IL1RAPL2: variants seen among roughly 807,000 people sequenced by gnomAD.
IL1RAPL2 encodes interleukin 1 receptor accessory protein like 2.
IL1RAPL2 carries 3 observed loss-of-function variants against 44.1 expected under a neutral mutation model. That is an observed-to-expected ratio of 0.07 (90% CI 0.03 to 0.18). The LOEUF (loss-of-function observed/expected upper bound fraction) is 0.18, where lower values mean the gene tolerates loss of function less well. Among genes scored for constraint, IL1RAPL2 ranks in the 10% least tolerant of loss-of-function variants. The pLI, the probability that IL1RAPL2 is intolerant of heterozygous loss-of-function variation, is 1.00. For synonymous variants in IL1RAPL2, 181 were observed against 178.8 expected (o/e 1.01, Z -0.10); for missense variants, 391 against 496.4 (o/e 0.79, Z 2.02).
intron 1 of IL1RAPL2, among the ~76,000 whole-genome samples, chrX:104,633,307 T>C (rs1053164330): frequency 1.8e-5 from 2 of 111,586 alleles, no homozygotes; most frequent in African/African-American, 3.3e-5. Flanking sequence ...ATTCTCTTTT[T>C]TTGTTGTCTC....
chrX:104,901,537 G>A (rs1212965940), intron 2 of IL1RAPL2, among the ~76,000 whole-genome samples: 1 of 110,504 alleles, frequency 9.0e-6, no homozygotes. Context: ...ACCAGGTCAT[G>A]TATTTTAAGA....
intron 2 of IL1RAPL2, among the ~76,000 whole-genome samples, chrX:104,797,847 A>G (rs1412603259): frequency 3.6e-5 from 4 of 112,489 alleles, no homozygotes; most frequent in African/African-American, 1.3e-4. Context: ...GTGATTCAAC[A>G]ACATCTTCAT....
At chrX:105,574,177 G>A (rs1397739264) in intron 6 of IL1RAPL2, among the ~76,000 whole-genome samples, 1 of 111,974 alleles carries the variant, frequency 8.9e-6, no homozygotes, top group East Asian at 2.8e-4. Context: ...GAGTTCACTC[G>A]TGACCTTAGT....
chrX:104,949,677 G>C (rs190302579), intron 2 of IL1RAPL2, among the ~76,000 whole-genome samples: 1,890 of 109,350 alleles, frequency 0.017, 48 homozygotes, highest in African/African-American at 0.058. Context: ...TCGTTATGTA[G>C]CCAGTAGTCA....
At chrX:105,245,590 CAAT>C (rs1195683643) in intron 4 of IL1RAPL2, among the ~76,000 whole-genome samples, 6 of 112,407 alleles carry the variant, frequency 5.3e-5, no homozygotes, top group African/African-American at 1.9e-4. Context: ...GCAGAATATT[CAAT>C]AATGTTAGTG....
chrX:104,653,450 G>T (rs1448889126), intron 1 of IL1RAPL2, among the ~76,000 whole-genome samples: 1 of 111,455 alleles, frequency 9.0e-6, no homozygotes, highest in African/African-American at 3.3e-5. Context: ...CTCCAGTGGT[G>T]CAGGGAAAGT....
chrX:105,241,383 A>T (rs1377741658), intron 4 of IL1RAPL2, among the ~76,000 whole-genome samples: 1 of 111,898 alleles, frequency 8.9e-6, no homozygotes, highest in East Asian at 2.8e-4. Flanking sequence ...TTTCCAAACA[A>T]TCTGTCTCTT....
intron 2 of IL1RAPL2, among the ~76,000 whole-genome samples, chrX:104,932,221 A>G (rs1602831072): frequency 9.2e-6 from 1 of 109,005 alleles, no homozygotes; most frequent in Non-Finnish European, 1.9e-5. Context: ...CTGGTCTCGA[A>G]CTGCTGACCT....
chrX:105,604,505 T>G (rs2037278604), intron 6 of IL1RAPL2, among the ~76,000 whole-genome samples: 1 of 108,779 alleles, frequency 9.2e-6, no homozygotes, highest in South Asian at 3.9e-4. Flanking sequence ...AATCAGTGAT[T>G]AAAAAGAAGT....
At chrX:105,269,674 G>A (rs1251023554) in intron 5 of IL1RAPL2, among the ~76,000 whole-genome samples, 1 of 111,630 alleles carries the variant, frequency 9.0e-6, no homozygotes, top group Non-Finnish European at 1.9e-5. Flanking sequence ...ATCATGGGCA[G>A]TTGTACATTA....
At chrX:104,765,521 T>C (rs914662259) in intron 2 of IL1RAPL2, among the ~76,000 whole-genome samples, 1 of 112,069 alleles carries the variant, frequency 8.9e-6, no homozygotes, top group Non-Finnish European at 1.9e-5. Flanking sequence ...TGCTGCCTCC[T>C]ACTCTCCTTT....
intron 2 of IL1RAPL2, among the ~76,000 whole-genome samples, chrX:104,682,941 C>T (rs191208334): frequency 4.2e-3 from 468 of 111,396 alleles, no homozygotes; most frequent in African/African-American, 0.014. Context: ...GAACCAAATT[C>T]GAATGTGACT....
At chrX:105,087,222 G>A (rs1287935084) in intron 2 of IL1RAPL2, among the ~76,000 whole-genome samples, 3 of 111,326 alleles carry the variant, frequency 2.7e-5, no homozygotes, top group South Asian at 3.8e-4. Context: ...TGTGACATTA[G>A]GCAAGTCACC....
chrX:104,612,182 T>A (rs1259370330), intron 1 of IL1RAPL2, among the ~76,000 whole-genome samples: 3 of 112,288 alleles, frequency 2.7e-5, no homozygotes, highest in Non-Finnish European at 5.6e-5. Context: ...AGAAGCTGTT[T>A]AGTTTAATTC....
At chrX:105,332,794 C>T (rs780872444) in intron 5 of IL1RAPL2, among the ~76,000 whole-genome samples, 1 of 111,218 alleles carries the variant, frequency 9.0e-6, no homozygotes, top group Non-Finnish European at 1.9e-5. Flanking sequence ...AATCAAATAC[C>T]TAGGAATTAA....
chrX:105,004,814 C>A (rs968713350), intron 2 of IL1RAPL2, among the ~76,000 whole-genome samples: 7 of 110,780 alleles, frequency 6.3e-5, no homozygotes, highest in Non-Finnish European at 1.3e-4. Flanking sequence ...GTTCACCATA[C>A]CCCTCTTTTA....
At chrX:104,672,454 C>T (rs1199660029) in intron 2 of IL1RAPL2, among the ~76,000 whole-genome samples, 1 of 109,209 alleles carries the variant, frequency 9.2e-6, no homozygotes, top group Non-Finnish European at 1.9e-5. Context: ...GCATAGTATT[C>T]CATGGTGTAT....
chrX:105,300,674 TG>T (rs960637968), intron 5 of IL1RAPL2, among the ~76,000 whole-genome samples: 1 of 111,014 alleles, frequency 9.0e-6, no homozygotes, highest in African/African-American at 3.3e-5. Context: ...ATGCCATATT[TG>T]GGGGTATAGG....
chrX:105,311,220 C>T (rs1241515279), intron 5 of IL1RAPL2, among the ~76,000 whole-genome samples: 3 of 110,937 alleles, frequency 2.7e-5, no homozygotes, highest in African/African-American at 9.8e-5. Context: ...TATAGATGTT[C>T]CTTGCTTTTT....
Sources: gnomAD v4.1 joint callset for allele counts (sites outside exome capture counted in the v4.1 genomes callset) on GRCh38, gnomAD v4.1.1 for gene constraint, MANE v1.5 for transcripts, NCBI Gene and HGNC (gene_info 2026-07-23, HGNC 2026-07-21) for gene names.